Variants in INPP5B observed in about 807,000 individuals in gnomAD.
INPP5B encodes the protein inositol polyphosphate-5-phosphatase B, also known as type II inositol 1,4,5-trisphosphate 5-phosphatase.
INPP5B carries 90 observed loss-of-function variants against 118.5 expected under a neutral mutation model. The ratio of observed to expected loss-of-function variants is 0.76; its 90% CI spans 0.64 to 0.90. INPP5B has a LOEUF of 0.90. INPP5B is among the 40% of genes least tolerant of loss of function. The pLI, the probability that INPP5B is intolerant of heterozygous loss-of-function variation, is 0.00. For synonymous variants in INPP5B, 385 were observed against 418.9 expected (o/e 0.92, Z 0.99); for missense variants, 984 against 1,125.6 (o/e 0.87, Z 1.80).
Position 37,891,363 on chromosome 1 carries a change from T to C in INPP5B, c.624A>G (p.Gln208=), listed in dbSNP as rs1268153245. 2 of 1,613,160 alleles carry C rather than the reference T, an allele frequency of 1.2e-6. No homozygotes were observed. The highest frequency in any genetic ancestry group is 1.7e-6 in the Non-Finnish European group (2 of 1,179,102). ...TGAAGGGAGAGTTGCATTACCTTGG[T>C]TGCAAGCTTTCTGGTTTATCTTGAC... ...SRGQDKPESL[Q]PRQNKSKSEI... is the part of the protein sequence containing the mutation. Residue 208 remains glutamine (Q), a synonymous_variant, in exon 8 of 24, where the codon CAA becomes CAG. Coordinates refer to ENST00000373024, the MANE Select transcript of INPP5B (RefSeq NM_005540.3).
At position 37,880,185 on chromosome 1, in the gene INPP5B, G is replaced by C; in HGVS notation, c.1441C>G (p.Gln481Glu). 1 of 1,600,640 alleles carries C rather than the reference G, an allele frequency of 6.2e-7. No individual in the cohort carries two copies. Among genetic ancestry groups the C allele is most frequent in the Non-Finnish European group, 8.5e-7 (1 of 1,170,734 alleles). ...TCAAAGACAGTCTTTGCGGCCACCT[G>C]AATTTTCAGCTATACAAAAGGATGG... Reference protein sequence around the residue: ...MLYAYDQLKIQVAAKTVFEGF... With the variant: ...MLYAYDQLKIEVAAKTVFEGF... Residue 481 changes from glutamine (Q) to glutamate (E), a missense_variant, in exon 15 of 24, where the codon CAG (glutamine) becomes GAG (glutamate). Physicochemically the swap from Gln to Glu is conservative, Grantham distance 29. Around this residue, in one of 2 missense-constraint regions of INPP5B, gnomAD observed 634 missense variants for 791.0 expected, o/e 0.80. Coordinates refer to ENST00000373024, the MANE Select transcript of INPP5B (RefSeq NM_005540.3).
rs145193508 is a variant in INPP5B, at chr1:37,892,316, T to C, written c.533-862A>G. On this transcript the variant is annotated intron_variant, in intron 7 of 23. Transcript: ENST00000373024. ...AAAACTGGAAATAGTCTAAGAGCTC[T>C]AGAAAATGAGAAGCGCTTGTCATTG... Among the ~76,000 whole-genome samples the C allele has an allele frequency of 3.8e-3, 575 of 152,310 alleles. 7 individuals carry two copies. Among genetic ancestry groups the C allele is most frequent in the African/African-American group, 0.013 (542 of 41,564 alleles).
At chr1:37,862,892 T>G (rs1328761629) in intron 23 of INPP5B, among the ~76,000 whole-genome samples, 3 of 152,110 alleles carry the variant, frequency 2.0e-5, no homozygotes, top group Non-Finnish European at 4.4e-5. Context: ...AGCCTGTCCC[T>G]GCCAGTGGGC....
At chr1:37,896,281 C>T (rs35316244) in intron 7 of INPP5B, among the ~76,000 whole-genome samples, 25,510 of 131,630 alleles carry the variant, frequency 0.19, 2,440 homozygotes, top group Non-Finnish European at 0.25. Context: ...GCCCGGCAGC[C>T]GCCCCGTCTG....
chr1:37,896,325 C>A (rs1475979153), intron 7 of INPP5B, among the ~76,000 whole-genome samples: 11 of 150,002 alleles, frequency 7.3e-5, no homozygotes, highest in Non-Finnish European at 1.2e-4. Context: ...GGCAACCGCC[C>A]CGTCTGAGAA....
At chr1:37,881,948 A>T (rs1643227048) in intron 14 of INPP5B, among the ~76,000 whole-genome samples, 2 of 151,976 alleles carry the variant, frequency 1.3e-5, no homozygotes, top group Non-Finnish European at 1.5e-5. Flanking sequence ...AAATATAAAA[A>T]ATTAGCCGGG....
intron 15 of INPP5B, among the ~76,000 whole-genome samples, chr1:37,879,355 C>A (rs1643052388): frequency 6.6e-6 from 1 of 151,756 alleles, no homozygotes; most frequent in African/African-American, 2.4e-5. Flanking sequence ...CCCTTGTCTG[C>A]TTGGGGGCCT....
At chr1:37,933,041 C>T (rs560052094) in intron 6 of INPP5B, among the ~76,000 whole-genome samples, 2 of 152,174 alleles carry the variant, frequency 1.3e-5, no homozygotes, top group Admixed American at 6.6e-5. Flanking sequence ...TGCATGAACC[C>T]GACCGAACTG....
intron 13 of INPP5B, chr1:37,883,520 AC>A (rs1643334806): frequency 2.1e-5 from 21 of 985,416 alleles, no homozygotes; most frequent in Non-Finnish European, 2.5e-5. Context: ...CCCTGATGAC[AC>A]TGTACATCTC....
At position 37,891,402 on chromosome 1, in the gene INPP5B, G is replaced by T. The variant is rs1328328701; in HGVS notation, c.585C>A (p.Asp195Glu). 2 of 1,613,918 alleles carry T rather than the reference G, an allele frequency of 1.2e-6. No individual in the cohort carries two copies. The highest frequency in any genetic ancestry group is 2.7e-5 in the African/African-American group (2 of 74,882). ...LRPNGKGVPM[D>E]QSSRGQDKPE... Reference sequence around the variant, plus strand: ...GTTTATCTTGACCCCTGGAGCTTTGGTCCATAGGCACTCCCTTCCCATTTG... The same window carrying T: ...GTTTATCTTGACCCCTGGAGCTTTGTTCCATAGGCACTCCCTTCCCATTTG... The change falls in exon 8 of 24, where the codon GAC becomes GAA. Residue 195 changes from aspartate to glutamate, a missense_variant. This residue lies in a region of INPP5B where 350 missense variants were observed against 334.6 expected (regional missense o/e 1.05). Coordinates refer to ENST00000373024, the MANE Select transcript of INPP5B (RefSeq NM_005540.3).
chr1:37,862,656 T>C (rs1460424651), intron 23 of INPP5B, among the ~76,000 whole-genome samples: 1 of 152,232 alleles, frequency 6.6e-6, no homozygotes, highest in Admixed American at 6.5e-5. Context: ...CTATACTGAA[T>C]ACTACAGGCA....
Position 37,888,343 on chromosome 1 carries a change from A to G in INPP5B, c.799T>C (p.Phe267Leu). 6.6e-7 allele frequency: 1 copy of G among 1,523,674 alleles called. No homozygotes were observed. Among genetic ancestry groups the G allele is most frequent in the Non-Finnish European group, 8.8e-7 (1 of 1,134,672 alleles). 94.4% of individuals were successfully genotyped at this position (1,523,674 alleles called of 1,614,324 possible). A position where few individuals can be genotyped will look rare whatever the true frequency, so the allele number is the denominator to read the frequency against. Residue 267 changes from phenylalanine (F) to leucine (L), a missense_variant and splice_region_variant, in exon 10 of 24, where the codon TTT (phenylalanine) becomes CTT (leucine). Transcript: ENST00000373024. ...TTTACATTGTATGTTCCCGCAAAAA[A>G]CCTGTCACCAAAGAGAAATAATTAG... ...EDYTYIQNFR[F>L]FAGTYNVNGQ... is the part of the protein sequence containing the mutation.
rs1557612213 is a variant in INPP5B, at chr1:37,864,542, C to T, written c.2515-119G>A. On this transcript the variant is annotated intron_variant, in intron 22 of 23. Coordinates refer to ENST00000373024, the MANE Select transcript of INPP5B (RefSeq NM_005540.3). ...CACGAGAAAGACTGTGCACAGAAAACTGGTTGCTTACCACTTGGCATAAGT... is the reference window on the plus strand; with the variant it reads ...CACGAGAAAGACTGTGCACAGAAAATTGGTTGCTTACCACTTGGCATAAGT... 1.0e-5 allele frequency: 6 copies of T among 583,114 alleles called. No homozygotes were observed. In the East Asian group the frequency reaches 1.8e-4, roughly 18 times the overall value. The allele number at this position is 583,114 out of a possible 1,614,324, so 36.1% of individuals were successfully genotyped here.
At position 37,943,963 on chromosome 1, in the gene INPP5B, G is replaced by A. The variant is rs78122794; in HGVS notation, c.153-70C>T. 5,533 of 1,151,766 alleles carry A rather than the reference G, an allele frequency of 4.8e-3. 190 individuals are homozygous for A. The African/African-American group carries it at 0.075, about 16-fold the overall frequency. 71.3% of individuals were successfully genotyped at this position (1,151,766 alleles called of 1,614,324 possible). A position where few individuals can be genotyped will look rare whatever the true frequency, so the allele number is the denominator to read the frequency against. On this transcript the variant is annotated intron_variant, in intron 3 of 23. Transcript: ENST00000373024. ...CCCTCAGCCCTATCTTGGAGGTCTC[G>A]GGGTGCTCACACTCGCTCGTTGGTC...
At chr1:37,870,264 CA>C (rs1248789671) in intron 19 of INPP5B, among the ~76,000 whole-genome samples, 3 of 152,188 alleles carry the variant, frequency 2.0e-5, no homozygotes, top group Non-Finnish European at 4.4e-5. Flanking sequence ...TGCACACCCC[CA>C]TACCCAGCTC....
chr1:37,920,535 G>T (rs933136744), intron 7 of INPP5B, among the ~76,000 whole-genome samples: 1 of 151,802 alleles, frequency 6.6e-6, no homozygotes, highest in Non-Finnish European at 1.5e-5. Flanking sequence ...TGTGGTGGTG[G>T]GCACCTGTAA....
chr1:37,926,262 C>G (rs1215704079), intron 7 of INPP5B, among the ~76,000 whole-genome samples: 4 of 151,950 alleles, frequency 2.6e-5, no homozygotes, highest in Admixed American at 1.3e-4. Context: ...AAACACATCC[C>G]CTTGTAAATT....
rs994785871 is a variant in INPP5B at position 37,862,234 on chromosome 1, A to C, written c.*81T>G. 19 of 919,584 alleles carry C rather than the reference A, an allele frequency of 2.1e-5. No individual in the cohort carries two copies. Among genetic ancestry groups the C allele is most frequent in the Non-Finnish European group, 3.0e-5 (17 of 563,940 alleles). 57.0% of individuals were successfully genotyped at this position (919,584 alleles called of 1,614,324 possible). ...TCTTGCTACCAAGTGGCCTCACATA[A>C]TTATCTTAAGGCATCTCTTGAGCTG... On this transcript the variant is annotated 3_prime_UTR_variant, in exon 24 of 24. Transcript: ENST00000373024.
At chr1:37,938,295 A>AAATCAATAAATC (rs1553162612) in intron 6 of INPP5B, among the ~76,000 whole-genome samples, 3 of 151,132 alleles carry the variant, frequency 2.0e-5, no homozygotes, top group Admixed American at 6.6e-5. Flanking sequence ...ATAAATAAAT[A>AAATCAATAAATC]AATAAATAAA....
Sources: allele counts gnomAD v4.1 joint callset (sites outside exome capture counted in the v4.1 genomes callset), GRCh38; gene constraint gnomAD v4.1.1; regional missense constraint gnomAD v4.1.1; transcripts MANE v1.5; gene names NCBI Gene and HGNC (gene_info 2026-07-23, HGNC 2026-07-21).